Variants in ATG7 observed in about 807,000 individuals in gnomAD.
ATG7 encodes autophagy related 7, also known as ubiquitin-like modifier-activating enzyme ATG7.
In ATG7, 70 loss-of-function variants were observed where a neutral mutation model predicts 82.4. That is an observed-to-expected ratio of 0.85 (90% CI 0.70 to 1.04). ATG7 has a LOEUF of 1.04. ATG7 is among the 50% of genes least tolerant of loss of function. The pLI is 0.00. For missense variants in ATG7, 792 were observed against 864.3 expected, an observed-to-expected ratio of 0.92 and a Z score of 1.05; for synonymous variants, 287 against 313.0, an observed-to-expected ratio of 0.92 and a Z score of 0.88.
chr3:11,281,190 T>G (rs973069497), intron 2 of ATG7, 88 bp downstream of exon 2: 2 of 152,252 alleles, frequency 1.3e-5, no homozygotes, highest in South Asian at 4.1e-4. Context: ...CATACAGTTA[T>G]GCAGGCTGTG....
chr3:11,274,309 T>C (rs1216638375), intron 1 of ATG7, among the ~76,000 whole-genome samples: 4 of 151,898 alleles, frequency 2.6e-5, no homozygotes, highest in African/African-American at 9.7e-5. Context: ...AGAGTTTACT[T>C]TTTTTTTAAG....
chr3:11,487,119 C>T (rs149715399), intron 20 of ATG7, among the ~76,000 whole-genome samples: 76,606 of 146,626 alleles, frequency 0.52, 20,919 homozygotes, highest in East Asian at 0.66. Context: ...TGAGTGGGCA[C>T]AGCACATGTT....
intron 11 of ATG7, among the ~76,000 whole-genome samples, chr3:11,335,806 T>A (rs1190511033): frequency 6.6e-6 from 1 of 152,164 alleles, no homozygotes; most frequent in Non-Finnish European, 1.5e-5. Flanking sequence ...CAAGCGATTC[T>A]CCAGACTCAG....
chr3:11,495,841 C>T (rs2090785895), intron 20 of ATG7, among the ~76,000 whole-genome samples: 1 of 152,232 alleles, frequency 6.6e-6, no homozygotes, highest in African/African-American at 2.4e-5. Context: ...TTCCCACATT[C>T]TCCCTTTATT....
rs114620463 is a variant in ATG7 at position 11,524,873 on chromosome 3, G to A, written c.2080-29938G>A. ...CATTGTCCTGTCATCCTCCAGGTGA[G>A]GTTCTGTGTCTTACAGATTAAGAAC... On this transcript the variant is annotated intron_variant, in intron 20 of 20. Transcript: ENST00000693202. 5.5e-3 allele frequency among the ~76,000 whole-genome samples: 833 copies of A among 152,158 alleles called. 8 individuals carry two copies. Among genetic ancestry groups the A allele is most frequent in the African/African-American group, 0.018 (763 of 41,524 alleles).
At chr3:11,341,031 C>T (rs2152773751) in intron 12 of ATG7, among the ~76,000 whole-genome samples, 1 of 152,320 alleles carries the variant, frequency 6.6e-6, no homozygotes, top group Non-Finnish European at 1.5e-5. Context: ...ATGCATTGTC[C>T]TCTAGCTTGG....
chr3:11,409,752 G>A (rs1336218655), intron 19 of ATG7, among the ~76,000 whole-genome samples: 3 of 150,014 alleles, frequency 2.0e-5, no homozygotes, highest in East Asian at 2.0e-4. Flanking sequence ...TTTGTGATGG[G>A]GTGTAAGGTG....
intron 20 of ATG7, among the ~76,000 whole-genome samples, chr3:11,457,711 A>G (rs1247642231): frequency 6.6e-6 from 1 of 152,142 alleles, no homozygotes; most frequent in African/African-American, 2.4e-5. Flanking sequence ...CCCCTCGCTT[A>G]TGGGTGTTTG....
At chr3:11,298,994 G>A in intron 4 of ATG7, 139 bp downstream of exon 4, 1 of 947,450 alleles carries the variant, frequency 1.1e-6, no homozygotes, top group Non-Finnish European at 1.5e-6. Flanking sequence ...TTTACTTCCT[G>A]ACTTTTTGAT....
chr3:11,498,021 C>T (rs1157048473), intron 20 of ATG7, among the ~76,000 whole-genome samples: 1 of 152,098 alleles, frequency 6.6e-6, no homozygotes, highest in Non-Finnish European at 1.5e-5. Flanking sequence ...TCATTGAGTC[C>T]TCATTTTAAG....
chr3:11,448,834 G>A (rs995410506), intron 20 of ATG7, among the ~76,000 whole-genome samples: 2 of 152,162 alleles, frequency 1.3e-5, no homozygotes, highest in African/African-American at 4.8e-5. Context: ...AGTGTTTTCT[G>A]TCCCTGGATG....
intron 9 of ATG7, among the ~76,000 whole-genome samples, chr3:11,320,558 G>T (rs1307127479): frequency 3.3e-5 from 5 of 152,198 alleles, no homozygotes; most frequent in Non-Finnish European, 7.3e-5. Flanking sequence ...AAAGTGCTGG[G>T]ATTACAGGCG....
chr3:11,326,203 G>A (rs562995082), intron 9 of ATG7, among the ~76,000 whole-genome samples: 21 of 152,048 alleles, frequency 1.4e-4, no homozygotes, highest in African/African-American at 4.6e-4. Flanking sequence ...TTTTCTAATT[G>A]TAAGCTGTTT....
chr3:11,492,137 G>A (rs1287805940), intron 20 of ATG7, among the ~76,000 whole-genome samples: 3 of 152,202 alleles, frequency 2.0e-5, no homozygotes, highest in Non-Finnish European at 2.9e-5. Flanking sequence ...AGGACCCTCC[G>A]AGCCAGGTGT....
At chr3:11,480,819 G>A (rs1559713131) in intron 20 of ATG7, among the ~76,000 whole-genome samples, 3 of 152,174 alleles carry the variant, frequency 2.0e-5, no homozygotes, top group Non-Finnish European at 4.4e-5. Flanking sequence ...TCCACTGGGT[G>A]ACAGCTCGGC....
chr3:11,313,894 C>T (rs563977490), intron 8 of ATG7, among the ~76,000 whole-genome samples: 1 of 152,216 alleles, frequency 6.6e-6, no homozygotes, highest in African/African-American at 2.4e-5. Flanking sequence ...GCCACCCTGC[C>T]TGGTCTGTAA....
intron 20 of ATG7, among the ~76,000 whole-genome samples, chr3:11,543,269 G>A (rs567052833): frequency 3.3e-5 from 5 of 152,324 alleles, no homozygotes; most frequent in Non-Finnish European, 5.9e-5. Flanking sequence ...CTGGAACCCC[G>A]GAGCAGTGGG....
At chr3:11,359,223 T>C (rs995436738) in intron 15 of ATG7, among the ~76,000 whole-genome samples, 1 of 151,728 alleles carries the variant, frequency 6.6e-6, no homozygotes, top group African/African-American at 2.4e-5. Context: ...AGGGAGAAAA[T>C]AGTAGGTAAA....
At chr3:11,322,626 A>G (rs1257008147) in intron 9 of ATG7, among the ~76,000 whole-genome samples, 2 of 152,182 alleles carry the variant, frequency 1.3e-5, no homozygotes, top group Admixed American at 6.5e-5. Context: ...TCTACACAAC[A>G]TCCTTTTTAA....
Sources: gnomAD v4.1 joint callset for allele counts (sites outside exome capture counted in the v4.1 genomes callset) on GRCh38, gnomAD v4.1.1 for gene constraint, MANE v1.5 for transcripts, NCBI Gene and HGNC (gene_info 2026-07-23, HGNC 2026-07-21) for gene names.